TRIML1: variants seen among roughly 807,000 people sequenced by gnomAD.
The protein encoded by TRIML1 is tripartite motif family like 1, also known as probable E3 ubiquitin-protein ligase TRIML1.
A neutral mutation model predicts 32.3 loss-of-function variants in TRIML1; 34 were observed. The ratio of observed to expected loss-of-function variants is 1.05; its 90% CI spans 0.80 to 1.40. TRIML1 has a LOEUF of 1.40. Among genes scored for constraint, TRIML1 ranks in the 40% most tolerant of loss-of-function variants. The pLI is 0.00. For missense variants in TRIML1, 595 were observed against 574.9 expected (o/e 1.03, Z -0.36); for synonymous variants, 244 against 226.6 (o/e 1.08, Z -0.69).
In TRIML1 at chr4:188,140,555, T is replaced by C. The variant is rs946332481; in HGVS notation, c.436T>C (p.Leu146=). 6.8e-6 allele frequency: 11 copies of C among 1,614,072 alleles called. No individual in the cohort carries two copies. The highest frequency in any genetic ancestry group is 8.5e-6 in the Non-Finnish European group (10 of 1,179,968). Residue 146 remains leucine (L), a synonymous_variant, in exon 2 of 6, where the codon TTG becomes CTG. Coordinates refer to ENST00000332517, the MANE Select transcript of TRIML1 (RefSeq NM_178556.5). ...REKLQEILNL[L]RVRRKEAQAV... The stretch of plus-strand genomic sequence containing the variant: ...GAAACTCCAGGAAATCCTGAATCTT[T>C]TGCGTGTAAGGAGAAAGGAAGCTCA...
At chr4:188,146,350 G>C (rs868274483) in intron 5 of TRIML1, among the ~76,000 whole-genome samples, 1 of 152,168 alleles carries the variant, frequency 6.6e-6, no homozygotes, top group Admixed American at 6.6e-5. Context: ...TCTCCATTTA[G>C]AGCTTCATGC....
chr4:188,138,532 G>A (rs1382595959), upstream of TRIML1, among the ~76,000 whole-genome samples: 1 of 152,106 alleles, frequency 6.6e-6, no homozygotes, highest in South Asian at 2.1e-4. Context: ...CCGAGCAGGG[G>A]ACACAGTGAA....
chr4:188,140,845 G>T, intron 2 of TRIML1: 1 of 450,670 alleles, frequency 2.2e-6, no homozygotes, highest in Non-Finnish European at 4.0e-6. Context: ...TGCATAACTA[G>T]ACAACGCTGT....
intron 3 of TRIML1, 130 bp from the exon 4 acceptor site, chr4:188,143,708 G>A: frequency 9.2e-7 from 1 of 1,092,256 alleles, no homozygotes; most frequent in Non-Finnish European, 1.4e-6. Context: ...TCTGCTCTCT[G>A]TGCTCCCACT....
chr4:188,141,217 G>A (rs1489905459), intron 2 of TRIML1, among the ~76,000 whole-genome samples: 3 of 144,248 alleles, frequency 2.1e-5, no homozygotes, highest in Non-Finnish European at 4.5e-5. Flanking sequence ...GCCCAGGCTG[G>A]AGTGCAGTGG....
At chr4:188,137,904 C>T (rs1331368204), upstream of TRIML1, among the ~76,000 whole-genome samples, 16 of 142,976 alleles carry the variant, frequency 1.1e-4, no homozygotes, top group Admixed American at 6.1e-4. Flanking sequence ...TGAGCAACCG[C>T]GCCTGGCCAA....
At position 188,139,729 on chromosome 4, in the gene TRIML1, G is replaced by A; in HGVS notation, c.171G>A (p.Trp57Ter). 3 of 1,613,968 alleles carry A rather than the reference G, an allele frequency of 1.9e-6. No homozygotes were observed. Among genetic ancestry groups the A allele is most frequent in the Non-Finnish European group, 1.7e-6 (2 of 1,180,002 alleles). Residue 57 changes from tryptophan (W) to a stop codon, truncating the protein, a stop_gained, in exon 1 of 6, where the codon TGG becomes TGA. Coordinates refer to ENST00000332517, the MANE Select transcript of TRIML1 (RefSeq NM_178556.5). LOFTEE classifies it high-confidence loss of function. ...CACCTTTATCTTGTCCTGAGTGCTG[G>A]AGGACCTTGGAGGGCCCGCATTTCC... is the stretch of plus-strand genomic sequence containing the variant. ...HNTPLSCPEC[W>*]RTLEGPHFQS...
At chr4:188,149,217 C>T (rs1333503719), downstream of TRIML1, among the ~76,000 whole-genome samples, 2 of 152,018 alleles carry the variant, frequency 1.3e-5, no homozygotes, top group Non-Finnish European at 2.9e-5. Context: ...CCGCGCCTGG[C>T]CCAGCCTTTG....
Position 188,147,404 on chromosome 4 carries a change from T to C in TRIML1, c.*32T>C, listed in dbSNP as rs370359417. 168 of 1,453,224 alleles carry C rather than the reference T, an allele frequency of 1.2e-4. No individual in the cohort carries two copies. Among genetic ancestry groups the C allele is most frequent in the Non-Finnish European group, 1.5e-4 (163 of 1,105,018 alleles). 90.0% of individuals were successfully genotyped at this position (1,453,224 alleles called of 1,614,324 possible). ...TGCCCTGAGCCGTCACAGCGGGCGATGTCTGAGACCAAGACACAACTATTA... is the reference window on the plus strand; with the variant it reads ...TGCCCTGAGCCGTCACAGCGGGCGACGTCTGAGACCAAGACACAACTATTA... On this transcript the variant is annotated 3_prime_UTR_variant, in exon 6 of 6. Transcript: ENST00000332517.
downstream of TRIML1, among the ~76,000 whole-genome samples, chr4:188,149,209 G>A (rs1293653842): frequency 6.6e-6 from 1 of 151,826 alleles, no homozygotes; most frequent in Non-Finnish European, 1.5e-5. Flanking sequence ...GTGAGCCCCC[G>A]CGCCTGGCCC....
rs925386534 is a variant in TRIML1, at chr4:188,147,306, C to G, written c.1341C>G (p.Pro447=). The change falls in exon 6 of 6, where the codon CCC becomes CCG. Residue 447 remains proline, a synonymous_variant. Transcript: ENST00000332517. ...FQEALRPIFS[P]CLPNEGTNTD... is the part of the protein sequence containing the mutation. The stretch of plus-strand genomic sequence containing the variant: ...AGGCCCTCAGGCCTATCTTTTCCCC[C>G]TGCCTCCCAAATGAGGGGACAAACA... The G allele has an allele frequency of 5.9e-6, 9 of 1,537,620 alleles. No homozygotes were observed. The highest frequency in any genetic ancestry group is 7.9e-6 in the Non-Finnish European group (9 of 1,144,494).
At chr4:188,143,669 A>C (rs1210561967) in intron 3 of TRIML1, 169 bp from the exon 4 acceptor site, 26 of 761,308 alleles carry the variant, frequency 3.4e-5, no homozygotes, top group Non-Finnish European at 5.5e-5. Context: ...ACCACAGCAC[A>C]TCCCTGGAAG....
upstream of TRIML1, among the ~76,000 whole-genome samples, chr4:188,137,295 C>CTTTTTTTTT: frequency 1.7e-5 from 1 of 58,782 alleles, no homozygotes; most frequent in Admixed American, 2.7e-4. Context: ...TTATTGTAGT[C>CTTTTTTTTT]TTTTTTTTTT....
rs1734952961 is a variant in TRIML1 at position 188,143,820 on chromosome 4, T to A, written c.736-18T>A. On this transcript the variant is annotated intron_variant, in intron 3 of 5. Coordinates refer to ENST00000332517, the MANE Select transcript of TRIML1 (RefSeq NM_178556.5). ...GATCAAAGCGCACCATGCTAACTTC[T>A]TTCTTTTTTACCCGTAGGAAGTGAG... 2 of 1,614,012 alleles carry A rather than the reference T, an allele frequency of 1.2e-6. No individual in the cohort carries two copies. Among genetic ancestry groups the A allele is most frequent in the South Asian group, 2.2e-5 (2 of 91,078 alleles).
downstream of TRIML1, among the ~76,000 whole-genome samples, chr4:188,147,922 T>C (rs1735150156): frequency 6.6e-6 from 1 of 152,154 alleles, no homozygotes; most frequent in African/African-American, 2.4e-5. Flanking sequence ...GCAGTGTTTG[T>C]ACTCAGGAAG....
At position 188,147,563 on chromosome 4, in the gene TRIML1, C is replaced by G. The variant is rs990910946; in HGVS notation, c.*191C>G. 4.8e-6 allele frequency: 2 copies of G among 418,382 alleles called. No homozygotes were observed. Among genetic ancestry groups the G allele is most frequent in the African/African-American group, 4.1e-5 (2 of 49,168 alleles). The allele number at this position is 418,382 out of a possible 1,614,324, so 25.9% of individuals were successfully genotyped here. On this transcript the variant is annotated 3_prime_UTR_variant, in exon 6 of 6. Transcript: ENST00000332517. ...CACATTACACAATCAACTTCAACCC[C>G]AATAGAAGAGAGCTGATCATATTCT...
At chr4:188,144,269 G>A (rs1002488084) in intron 5 of TRIML1, 136 bp downstream of exon 5, 8 of 724,126 alleles carry the variant, frequency 1.1e-5, no homozygotes, top group Non-Finnish European at 1.8e-5. Context: ...ACACCAGGGA[G>A]GGCTGGGGCC....
chr4:188,139,667 C>T lies in TRIML1; in HGVS notation c.109C>T (p.Leu37=). The T allele has an allele frequency of 6.2e-7, 1 of 1,614,118 alleles. No homozygotes were observed. The highest frequency in any genetic ancestry group is 2.2e-5 in the East Asian group (1 of 44,872). ...VTTECGHSFC[L]VCLLRSWEEH... ...CACCGAGTGTGGGCACAGCTTTTGTCTGGTGTGTCTCCTCAGGAGCTGGGA... is the reference window on the plus strand; with the variant it reads ...CACCGAGTGTGGGCACAGCTTTTGTTTGGTGTGTCTCCTCAGGAGCTGGGA... The change falls in exon 1 of 6, where the codon CTG becomes TTG. Residue 37 remains leucine (L), a synonymous_variant. Transcript: ENST00000332517.
chr4:188,143,750 G>A, intron 3 of TRIML1, 88 bp from the exon 4 acceptor site: 2 of 1,517,508 alleles, frequency 1.3e-6, no homozygotes, highest in Middle Eastern at 3.4e-4. Context: ...CAGATTCTGT[G>A]AGCTTTGCAA....
Sources: allele counts gnomAD v4.1 joint callset (sites outside exome capture counted in the v4.1 genomes callset), GRCh38; gene constraint gnomAD v4.1.1; transcripts MANE v1.5; gene names NCBI Gene and HGNC (gene_info 2026-07-23, HGNC 2026-07-21).